The following SLC25A21 variants were observed in gnomAD, a reference collection of about 807,000 sequenced individuals.
SLC25A21 encodes the protein solute carrier family 25 member 21.
A neutral mutation model predicts 43.8 loss-of-function variants in SLC25A21; 47 were observed. The ratio of observed to expected loss-of-function variants is 1.07; its 90% CI spans 0.85 to 1.37. The LOEUF (loss-of-function observed/expected upper bound fraction) is 1.37. Among genes scored for constraint, SLC25A21 ranks in the 40% most tolerant of loss-of-function variants. The pLI, the probability that SLC25A21 is intolerant of heterozygous loss-of-function variation, is 0.00. For missense variants in SLC25A21, 352 were observed against 350.2 expected, an observed-to-expected ratio of 1.00 and a Z score of -0.04; for synonymous variants, 131 against 121.3, an observed-to-expected ratio of 1.08 and a Z score of -0.52.
chr14:36,982,192 A>C lies in SLC25A21; in HGVS notation c.71-107188T>G, dbSNP rs937531238. Among the ~76,000 whole-genome samples the C allele has an allele frequency of 2.6e-4, 40 of 152,368 alleles. No individual in the cohort carries two copies. The East Asian group carries it at 7.7e-3, about 29-fold the overall frequency. ...AGATTTCAGAATAGAATCAAACTATAGAACAGATTTTAAACTCATTTTCAA... is the reference window on the plus strand; with the variant it reads ...AGATTTCAGAATAGAATCAAACTATCGAACAGATTTTAAACTCATTTTCAA... On this transcript the variant is annotated intron_variant, in intron 1 of 9. Coordinates refer to ENST00000331299, the MANE Select transcript of SLC25A21 (RefSeq NM_030631.4).
intron 1 of SLC25A21, among the ~76,000 whole-genome samples, chr14:37,092,521 A>G (rs1024658344): frequency 2.6e-5 from 4 of 152,108 alleles, no homozygotes; most frequent in African/African-American, 4.8e-5. Context: ...TTTTAAGCCA[A>G]TTAGTGTATG....
intron 1 of SLC25A21, among the ~76,000 whole-genome samples, chr14:37,077,485 T>TTATG (rs1594782285): frequency 6.6e-6 from 1 of 152,104 alleles, no homozygotes; most frequent in Admixed American, 6.6e-5. Context: ...AATCCGTATG[T>TTATG]TATGTATAAC....
chr14:36,885,512 T>A (rs192563240), intron 1 of SLC25A21, among the ~76,000 whole-genome samples: 1 of 152,222 alleles, frequency 6.6e-6, no homozygotes, highest in Admixed American at 6.5e-5. Flanking sequence ...AACTGGAATT[T>A]TGATAGAGAG....
chr14:36,686,183 A>T (rs1882532991), intron 7 of SLC25A21, among the ~76,000 whole-genome samples: 1 of 152,166 alleles, frequency 6.6e-6, no homozygotes, highest in African/African-American at 2.4e-5. Flanking sequence ...AGAAACTCCT[A>T]TGTGGCTAAA....
intron 1 of SLC25A21, among the ~76,000 whole-genome samples, chr14:36,883,056 A>G (rs1890785686): frequency 6.6e-6 from 1 of 151,972 alleles, no homozygotes; most frequent in Admixed American, 6.6e-5. Flanking sequence ...GTATCCCTCC[A>G]TCTACCTTTG....
At chr14:37,057,325 C>T (rs955413562) in intron 1 of SLC25A21, among the ~76,000 whole-genome samples, 1 of 152,070 alleles carries the variant, frequency 6.6e-6, no homozygotes, top group East Asian at 1.9e-4. Flanking sequence ...TCCTGAGTGC[C>T]TTGTCATTTA....
At chr14:37,017,468 T>A (rs910780318) in intron 1 of SLC25A21, among the ~76,000 whole-genome samples, 6 of 152,044 alleles carry the variant, frequency 3.9e-5, no homozygotes, top group Admixed American at 6.6e-5. Flanking sequence ...AGATTACTGA[T>A]CATAGAACAT....
intron 1 of SLC25A21, among the ~76,000 whole-genome samples, chr14:37,020,041 T>C (rs1375694183): frequency 6.6e-6 from 1 of 151,802 alleles, no homozygotes; most frequent in Non-Finnish European, 1.5e-5. Flanking sequence ...TATAAGAAAA[T>C]AATACATGTA....
intron 1 of SLC25A21, among the ~76,000 whole-genome samples, chr14:37,015,734 C>T (rs1960840188): frequency 6.6e-6 from 1 of 151,968 alleles, no homozygotes; most frequent in Non-Finnish European, 1.5e-5. Context: ...GATTGCCATT[C>T]TAACTGGTGT....
At chr14:37,012,250 A>C (rs1960750043) in intron 1 of SLC25A21, among the ~76,000 whole-genome samples, 2 of 152,214 alleles carry the variant, frequency 1.3e-5, no homozygotes, top group Non-Finnish European at 2.9e-5. Context: ...TATAATAAAA[A>C]TTGTTCTAAA....
chr14:36,722,524 G>A (rs1012782451), intron 6 of SLC25A21, among the ~76,000 whole-genome samples: 2 of 152,170 alleles, frequency 1.3e-5, no homozygotes, highest in Non-Finnish European at 2.9e-5. Context: ...GATGATGCAT[G>A]TGTCGGGGCA....
intron 1 of SLC25A21, among the ~76,000 whole-genome samples, chr14:37,003,269 C>T (rs1960527650): frequency 6.6e-6 from 1 of 152,182 alleles, no homozygotes; most frequent in Non-Finnish European, 1.5e-5. Context: ...TTGTACAGCA[C>T]TAAGCTTTCT....
chr14:36,968,149 G>A (rs1274771066), intron 1 of SLC25A21, among the ~76,000 whole-genome samples: 1 of 152,124 alleles, frequency 6.6e-6, no homozygotes, highest in Non-Finnish European at 1.5e-5. Flanking sequence ...GGGCCAGTGA[G>A]GAATAGTTTC....
At chr14:37,001,901 C>T (rs1960497975) in intron 1 of SLC25A21, among the ~76,000 whole-genome samples, 1 of 152,024 alleles carries the variant, frequency 6.6e-6, no homozygotes, top group African/African-American at 2.4e-5. Context: ...CTCAATTACC[C>T]CAAAACAGGT....
intron 2 of SLC25A21, among the ~76,000 whole-genome samples, chr14:36,842,663 G>T (rs1322898057): frequency 5.9e-5 from 9 of 152,152 alleles, no homozygotes; most frequent in Admixed American, 5.9e-4. Flanking sequence ...AATGTAAGGT[G>T]CCATAAAGAC....
chr14:36,988,243 G>A (rs989583041), intron 1 of SLC25A21, among the ~76,000 whole-genome samples: 1 of 152,184 alleles, frequency 6.6e-6, no homozygotes, highest in African/African-American at 2.4e-5. Flanking sequence ...CTATCTTGCT[G>A]CAGGGATTAA....
intron 1 of SLC25A21, among the ~76,000 whole-genome samples, chr14:36,963,590 C>T (rs995073768): frequency 1.3e-5 from 2 of 152,136 alleles, no homozygotes; most frequent in Non-Finnish European, 1.5e-5. Context: ...GTAGAAGGAA[C>T]ATTTTGATGT....
At chr14:36,805,292 G>C (rs1887998224) in intron 3 of SLC25A21, among the ~76,000 whole-genome samples, 3 of 152,200 alleles carry the variant, frequency 2.0e-5, no homozygotes, top group Non-Finnish European at 4.4e-5. Context: ...TGTTGTGAGA[G>C]AGAGGCTGGG....
At chr14:36,871,168 G>T (rs1390436485) in intron 2 of SLC25A21, among the ~76,000 whole-genome samples, 1 of 151,914 alleles carries the variant, frequency 6.6e-6, no homozygotes, top group East Asian at 1.9e-4. Context: ...GCAAGGTGAT[G>T]GCATCAGGAG....
Sources: allele counts gnomAD v4.1 joint callset (sites outside exome capture counted in the v4.1 genomes callset), GRCh38; gene constraint gnomAD v4.1.1; transcripts MANE v1.5; gene names NCBI Gene and HGNC (gene_info 2026-07-23, HGNC 2026-07-21).